SNX29: variants seen among roughly 807,000 people sequenced by gnomAD.
SNX29 encodes sorting nexin 29.
A neutral mutation model predicts 102.1 loss-of-function variants in SNX29; 78 were observed. The observed-to-expected ratio is 0.76, with a 90% CI of 0.64 to 0.92. The LOEUF (loss-of-function observed/expected upper bound fraction) is 0.92. Among genes scored for constraint, SNX29 ranks in the 40% least tolerant of loss-of-function variants. The pLI is 0.00. For missense variants in SNX29, 1,280 were observed against 1,061.7 expected (o/e 1.21, Z -2.86); for synonymous variants, 580 against 414.5 (o/e 1.40, Z -4.85).
intron 13 of SNX29, among the ~76,000 whole-genome samples, chr16:12,197,744 G>A (rs144973619): frequency 4.0e-4 from 61 of 152,340 alleles, no homozygotes; most frequent in African/African-American, 1.3e-3. Flanking sequence ...TGTCTAGGAC[G>A]AGGGGATAAC....
At chr16:12,439,972 G>A (rs1036421995) in intron 18 of SNX29, among the ~76,000 whole-genome samples, 8 of 152,190 alleles carry the variant, frequency 5.3e-5, no homozygotes, top group Non-Finnish European at 8.8e-5. Flanking sequence ...TGGGTGCAGG[G>A]GACGTGGGGA....
At chr16:12,337,873 G>C (rs569345547) in intron 15 of SNX29, among the ~76,000 whole-genome samples, 14 of 152,124 alleles carry the variant, frequency 9.2e-5, no homozygotes, top group South Asian at 2.1e-4. Context: ...TAAAAGCTCC[G>C]AAGAAGAAAA....
chr16:12,123,936 C>G (rs1336339139), intron 11 of SNX29, among the ~76,000 whole-genome samples: 2 of 152,176 alleles, frequency 1.3e-5, no homozygotes, highest in Non-Finnish European at 2.9e-5. Context: ...CTGCTTTATC[C>G]TATGAGGTTG....
At chr16:12,308,937 A>C (rs1195215165) in intron 15 of SNX29, among the ~76,000 whole-genome samples, 1 of 152,222 alleles carries the variant, frequency 6.6e-6, no homozygotes, top group Non-Finnish European at 1.5e-5. Context: ...GAGTCGGGGA[A>C]ATGCAGGTCA....
In SNX29 at chr16:12,571,502, CCT is replaced by C. The variant is rs919998686; in HGVS notation, c.*2877_*2878del. On this transcript the variant is annotated 3_prime_UTR_variant, in exon 21 of 21. Transcript: ENST00000566228. Reference sequence around the variant, plus strand: ...CTCAGAGAGGAACGAGGGTGGCCCACCTCTCAAGGGCCTTGGATTCCTGGGAC... The same window carrying C: ...CTCAGAGAGGAACGAGGGTGGCCCACCTCAAGGGCCTTGGATTCCTGGGAC... The C allele has an allele frequency of 1.3e-4, 61 of 487,956 alleles. No homozygotes were observed. The highest frequency in any genetic ancestry group is 1.1e-3 in the African/African-American group (54 of 49,812). The allele number at this position is 487,956 out of a possible 1,614,324, so 30.2% of individuals were successfully genotyped here.
At chr16:12,515,977 A>AGAAAGG (rs1187252612) in intron 19 of SNX29, among the ~76,000 whole-genome samples, 4 of 152,072 alleles carry the variant, frequency 2.6e-5, no homozygotes, top group African/African-American at 9.7e-5. Flanking sequence ...ATGCTCCCAG[A>AGAAAGG]GAAAGGGGAA....
At chr16:11,998,370 C>A (rs1170399934) in intron 1 of SNX29, among the ~76,000 whole-genome samples, 1 of 152,150 alleles carries the variant, frequency 6.6e-6, no homozygotes, top group Non-Finnish European at 1.5e-5. Flanking sequence ...GTGCTCTTGC[C>A]CCAGACCTTC....
At position 12,033,759 on chromosome 16, in the gene SNX29, A is replaced by G. The variant is rs557272093; in HGVS notation, c.247+6315A>G. ...GTAGCTGCGATTACAGGTGCACATC[A>G]CCATGCCTGGTTAAGTTTTATATTT... On this transcript the variant is annotated intron_variant, in intron 4 of 20. Transcript: ENST00000566228. 3.3e-5 allele frequency among the ~76,000 whole-genome samples: 5 copies of G among 151,994 alleles called. No homozygotes were observed. In the South Asian group the frequency reaches 1.0e-3, roughly 32 times the overall value.
At chr16:12,042,533 G>C (rs1480692834) in intron 4 of SNX29, among the ~76,000 whole-genome samples, 1 of 152,146 alleles carries the variant, frequency 6.6e-6, no homozygotes, top group Non-Finnish European at 1.5e-5. Flanking sequence ...CTTTATGTCT[G>C]TGTGTACCCA....
intron 15 of SNX29, among the ~76,000 whole-genome samples, chr16:12,334,541 A>G (rs912238940): frequency 6.6e-6 from 1 of 152,158 alleles, no homozygotes; most frequent in Non-Finnish European, 1.5e-5. Context: ...TTCCCCGCAA[A>G]CATTATGGGA....
rs1452073896 is a variant in SNX29, at chr16:12,573,823, ATTT to A, written c.*5197_*5199del. On this transcript the variant is annotated 3_prime_UTR_variant, in exon 21 of 21. Transcript: ENST00000566228. ...GGGGATGGGGGTAGAGCTAATTGGA[ATTT>A]TTATTATCCAGGACTCATCCTAAGA... The A allele has an allele frequency of 2.3e-5, 5 of 216,492 alleles. No individual in the cohort carries two copies. Among genetic ancestry groups the A allele is most frequent in the Non-Finnish European group, 3.7e-5 (4 of 107,614 alleles). The allele number at this position is 216,492 out of a possible 1,614,324, so 13.4% of individuals were successfully genotyped here.
At chr16:12,071,017 G>A (rs1225234593) in intron 10 of SNX29, among the ~76,000 whole-genome samples, 13 of 151,678 alleles carry the variant, frequency 8.6e-5, no homozygotes, top group African/African-American at 3.1e-4. Flanking sequence ...TTTTGATGGG[G>A]TTGTTTTTTT....
At chr16:12,091,558 A>C (rs1272063632) in intron 11 of SNX29, among the ~76,000 whole-genome samples, 1 of 151,740 alleles carries the variant, frequency 6.6e-6, no homozygotes, top group Non-Finnish European at 1.5e-5. Flanking sequence ...AGGCTGAGGC[A>C]GGAGGATTGC....
At chr16:12,331,093 C>T (rs1400045437) in intron 15 of SNX29, among the ~76,000 whole-genome samples, 1 of 152,218 alleles carries the variant, frequency 6.6e-6, no homozygotes, top group Non-Finnish European at 1.5e-5. Flanking sequence ...GTGGATTGCA[C>T]CCCATGGGCT....
Position 12,401,254 on chromosome 16 carries a change from G to A in SNX29, c.1956-2194G>A, listed in dbSNP as rs954143013. Among the ~76,000 whole-genome samples the A allele has an allele frequency of 4.0e-5, 6 of 151,742 alleles. No individual in the cohort carries two copies. In the South Asian group the frequency reaches 6.2e-4, roughly 16 times the overall value. ...GAATGCACATTCTTCTCAAGTGCCT[G>A]TAACTTTCCAGGAAAGACTGTATGT... On this transcript the variant is annotated intron_variant, in intron 17 of 20. Coordinates refer to ENST00000566228, the MANE Select transcript of SNX29 (RefSeq NM_032167.5).
intron 20 of SNX29, among the ~76,000 whole-genome samples, chr16:12,540,381 C>A (rs181749920): frequency 1.3e-5 from 2 of 152,160 alleles, no homozygotes; most frequent in Non-Finnish European, 2.9e-5. Flanking sequence ...TGTTGCCCTA[C>A]CAAATTGGCA....
chr16:12,207,633 T>G (rs1218526222), intron 14 of SNX29, among the ~76,000 whole-genome samples: 1 of 152,164 alleles, frequency 6.6e-6, no homozygotes, highest in Non-Finnish European at 1.5e-5. Context: ...ACCCCACTCT[T>G]GGCTCATCCA....
chr16:12,015,479 C>G (rs1226987301), intron 3 of SNX29, among the ~76,000 whole-genome samples: 2 of 151,130 alleles, frequency 1.3e-5, no homozygotes, highest in Non-Finnish European at 2.9e-5. Context: ...ACCTCGTGAT[C>G]TGCCCGCCTC....
At chr16:12,530,261 G>C (rs1014955894) in intron 20 of SNX29, among the ~76,000 whole-genome samples, 2 of 152,112 alleles carry the variant, frequency 1.3e-5, no homozygotes, top group East Asian at 1.9e-4. Flanking sequence ...TTAGAACAGC[G>C]CATCACACAT....
Sources: allele counts gnomAD v4.1 joint callset (sites outside exome capture counted in the v4.1 genomes callset), GRCh38; gene constraint gnomAD v4.1.1; transcripts MANE v1.5; gene names NCBI Gene and HGNC (gene_info 2026-07-23, HGNC 2026-07-21).